Variants in NAALADL2 observed in about 807,000 individuals in gnomAD.
The protein encoded by NAALADL2 is inactive N-acetylated-alpha-linked acidic dipeptidase-like protein 2.
Under a neutral mutation model 87.2 loss-of-function variants are expected in NAALADL2, and 76 were observed. The observed-to-expected ratio is 0.87, with a 90% CI of 0.72 to 1.05. The LOEUF (loss-of-function observed/expected upper bound fraction) is 1.05. Ranked by LOEUF, NAALADL2 falls within the 50% of genes least tolerant of loss-of-function variation. The pLI, the probability that NAALADL2 is intolerant of heterozygous loss-of-function variation, is 0.00. For missense variants in NAALADL2, 1,089 were observed against 945.8 expected (o/e 1.15, Z -1.99); for synonymous variants, 354 against 331.0 (o/e 1.07, Z -0.75).
intron 2 of NAALADL2, among the ~76,000 whole-genome samples, chr3:174,558,121 A>C (rs1029636381): frequency 2.6e-5 from 4 of 152,154 alleles, no homozygotes; most frequent in African/African-American, 9.7e-5. Context: ...CCACTCCTTC[A>C]AGTTCTAAGA....
intron 5 of NAALADL2, among the ~76,000 whole-genome samples, chr3:175,437,661 G>T (rs1718936380): frequency 6.6e-6 from 1 of 150,750 alleles, no homozygotes; most frequent in Non-Finnish European, 1.5e-5. Flanking sequence ...TAAGCCAAAA[G>T]AACAAAGCTG....
chr3:175,243,596 C>T (rs752739106), intron 3 of NAALADL2, among the ~76,000 whole-genome samples: 1 of 134,302 alleles, frequency 7.4e-6, no homozygotes, highest in Non-Finnish European at 1.5e-5. Flanking sequence ...AGCTGCCCAG[C>T]GTTCAACTAA....
At chr3:174,648,473 G>A (rs574144632) in intron 2 of NAALADL2, among the ~76,000 whole-genome samples, 1 of 152,210 alleles carries the variant, frequency 6.6e-6, no homozygotes, top group South Asian at 2.1e-4. Context: ...AGATATGGGA[G>A]GGGGCTACTG....
At chr3:175,210,751 TA>T (rs1462381815) in intron 2 of NAALADL2, among the ~76,000 whole-genome samples, 1 of 151,298 alleles carries the variant, frequency 6.6e-6, no homozygotes, top group Non-Finnish European at 1.5e-5. Flanking sequence ...GTAATAAAGG[TA>T]AAAAAAAGCA....
intron 1 of NAALADL2, among the ~76,000 whole-genome samples, chr3:175,001,842 T>G (rs1748277118): frequency 6.6e-6 from 1 of 152,182 alleles, no homozygotes; most frequent in Non-Finnish European, 1.5e-5. Context: ...GCCAATCTGA[T>G]GCCACAAGTG....
intron 4 of NAALADL2, among the ~76,000 whole-genome samples, chr3:175,261,096 G>A (rs1257787915): frequency 6.6e-6 from 1 of 152,046 alleles, no homozygotes; most frequent in Non-Finnish European, 1.5e-5. Flanking sequence ...AAAGGCTTTA[G>A]GTTCATTTTA....
chr3:175,269,454 A>G lies in NAALADL2; in HGVS notation c.939+12924A>G, dbSNP rs576224241. 1.5e-3 allele frequency among the ~76,000 whole-genome samples: 233 copies of G among 152,330 alleles called. 1 individual carries two copies. Among genetic ancestry groups the G allele is most frequent in the Admixed American group, 2.8e-3 (43 of 15,300 alleles). ...TAATATGTTGCACTACAACGTTAGG[A>G]CACTCTGATGTCACTTGCTGATAGG... On this transcript the variant is annotated intron_variant, in intron 4 of 13. Coordinates refer to ENST00000454872, the MANE Select transcript of NAALADL2 (RefSeq NM_207015.3).
intron 5 of NAALADL2, among the ~76,000 whole-genome samples, chr3:175,330,596 A>T (rs1241164969): frequency 1.3e-5 from 2 of 152,188 alleles, no homozygotes; most frequent in Non-Finnish European, 2.9e-5. Flanking sequence ...GAGGGAAAAA[A>T]TATTGAAACA....
intron 2 of NAALADL2, among the ~76,000 whole-genome samples, chr3:174,600,818 C>T (rs1718376559): frequency 6.6e-6 from 1 of 152,104 alleles, no homozygotes; most frequent in African/African-American, 2.4e-5. Context: ...CCTGATAACT[C>T]TATTATGAGA....
intron 2 of NAALADL2, among the ~76,000 whole-genome samples, chr3:174,607,674 G>GAGTGACCT (rs1172103863): frequency 5.9e-5 from 9 of 152,092 alleles, no homozygotes. Flanking sequence ...AGGAAGTCCT[G>GAGTGACCT]AGTGACCTAC....
chr3:174,908,370 C>T (rs1317842860), intron 1 of NAALADL2, among the ~76,000 whole-genome samples: 1 of 151,984 alleles, frequency 6.6e-6, no homozygotes, highest in East Asian at 1.9e-4. Flanking sequence ...AAATCAAGCA[C>T]GCCAGATGGA....
chr3:175,537,208 T>C (rs943376899), intron 9 of NAALADL2, among the ~76,000 whole-genome samples: 2 of 152,372 alleles, frequency 1.3e-5, no homozygotes, highest in East Asian at 3.9e-4. Context: ...TGTCTGATTC[T>C]AAATTCATGT....
chr3:175,773,131 A>G (rs952501380), intron 13 of NAALADL2: 15 of 152,128 alleles, frequency 9.9e-5, no homozygotes, highest in Non-Finnish European at 1.0e-4. Context: ...ATTTCTCAAG[A>G]AAACCTTACT....
chr3:175,169,616 A>C (rs900315597), intron 2 of NAALADL2, among the ~76,000 whole-genome samples: 8 of 151,484 alleles, frequency 5.3e-5, no homozygotes, highest in Admixed American at 3.3e-4. Context: ...TTTTTTTCCA[A>C]TTCTGAGTTT....
chr3:174,899,796 G>A (rs573350499), intron 1 of NAALADL2, among the ~76,000 whole-genome samples: 132 of 152,022 alleles, frequency 8.7e-4, no homozygotes, highest in African/African-American at 3.1e-3. Flanking sequence ...AAGGGCATAT[G>A]CTTACACGGC....
At chr3:174,780,233 T>C (rs1715772836) in intron 3 of NAALADL2, among the ~76,000 whole-genome samples, 1 of 152,146 alleles carries the variant, frequency 6.6e-6, no homozygotes, top group South Asian at 2.1e-4. Flanking sequence ...AGTTGTATTC[T>C]CTTTGTAGCA....
chr3:175,479,563 C>G (rs1262442978), intron 9 of NAALADL2, among the ~76,000 whole-genome samples: 1 of 151,742 alleles, frequency 6.6e-6, no homozygotes, highest in Non-Finnish European at 1.5e-5. Flanking sequence ...CCAATATCTT[C>G]ACTTTGATAA....
chr3:174,997,040 ATG>A (rs376663924), intron 1 of NAALADL2, among the ~76,000 whole-genome samples: 2,967 of 81,856 alleles, frequency 0.036, 95 homozygotes, highest in East Asian at 0.24. Context: ...GTGTGTGTGT[ATG>A]TGTATATATA....
intron 4 of NAALADL2, among the ~76,000 whole-genome samples, chr3:175,304,540 GCTTTATTAAAGGCCTTT>G (rs2110248197): frequency 6.6e-6 from 1 of 152,186 alleles, no homozygotes; most frequent in South Asian, 2.1e-4. Context: ...CCTGTTGTTG[GCTTTATTAAAGGCCTTT>G]CCTGTGGCAG....
Sources: allele counts gnomAD v4.1 joint callset (sites outside exome capture counted in the v4.1 genomes callset), GRCh38; gene constraint gnomAD v4.1.1; transcripts MANE v1.5; gene names NCBI Gene and HGNC (gene_info 2026-07-23, HGNC 2026-07-21).